PRKG1: variants seen among roughly 807,000 people sequenced by gnomAD.
The protein encoded by PRKG1 is cGMP-dependent protein kinase 1.
PRKG1 carries 35 observed loss-of-function variants against 88.1 expected under a neutral mutation model. The ratio of observed to expected loss-of-function variants is 0.40; its 90% CI spans 0.30 to 0.53. The LOEUF is 0.53. Among genes scored for constraint, PRKG1 ranks in the 20% least tolerant of loss-of-function variants. The pLI is 0.59. For synonymous variants in PRKG1, 303 were observed against 292.5 expected (o/e 1.04, Z -0.37); for missense variants, 540 against 839.8 (o/e 0.64, Z 4.41).
intron 3 of PRKG1, among the ~76,000 whole-genome samples, chr10:51,649,741 TCAAGGGCCTGTATAAA>T (rs1192013288): frequency 6.6e-6 from 1 of 152,192 alleles, no homozygotes; most frequent in Admixed American, 6.5e-5. Flanking sequence ...GAGCAGTGGC[TCAAGGGCCTGTATAAA>T]CAATCTTCTT....
At chr10:51,043,227 A>G (rs992571835) in intron 1 of PRKG1, among the ~76,000 whole-genome samples, 8 of 152,180 alleles carry the variant, frequency 5.3e-5, no homozygotes, top group Non-Finnish European at 1.0e-4. Context: ...ACTGAGATCC[A>G]TCAGCCACCA....
chr10:51,703,127 C>G (rs1213727794), intron 3 of PRKG1, among the ~76,000 whole-genome samples: 25 of 152,138 alleles, frequency 1.6e-4, no homozygotes, highest in Non-Finnish European at 2.8e-4. Flanking sequence ...AACAAAATCA[C>G]CCAACTTCCT....
intron 1 of PRKG1, among the ~76,000 whole-genome samples, chr10:51,034,577 T>G (rs1843326419): frequency 6.7e-6 from 1 of 149,950 alleles, no homozygotes; most frequent in Admixed American, 6.7e-5. Flanking sequence ...TTCTAATTGC[T>G]GTATACACTA....
At chr10:51,939,096 GA>G (rs1842853018) in intron 5 of PRKG1, among the ~76,000 whole-genome samples, 1 of 151,832 alleles carries the variant, frequency 6.6e-6, no homozygotes, top group South Asian at 2.1e-4. Flanking sequence ...TTTATCCTAT[GA>G]ATCCTCTATT....
At chr10:51,481,930 A>G (rs952409439) in intron 3 of PRKG1, among the ~76,000 whole-genome samples, 23 of 152,188 alleles carry the variant, frequency 1.5e-4, no homozygotes, top group Non-Finnish European at 3.1e-4. Context: ...AGAGGGGGTT[A>G]TATATCACCA....
chr10:51,038,493 A>G (rs142610436), intron 1 of PRKG1, among the ~76,000 whole-genome samples: 7 of 152,272 alleles, frequency 4.6e-5, no homozygotes, highest in African/African-American at 1.2e-4. Context: ...GCCCCTCCTC[A>G]GTCTCTGGTA....
intron 5 of PRKG1, among the ~76,000 whole-genome samples, chr10:51,971,721 G>T (rs543777434): frequency 2.0e-5 from 3 of 152,212 alleles, no homozygotes; most frequent in South Asian, 4.1e-4. Context: ...CAATCTCACA[G>T]GAACACTTCA....
chr10:51,253,271 G>C (rs17173638), intron 2 of PRKG1, among the ~76,000 whole-genome samples: 1,767 of 151,918 alleles, frequency 0.012, 32 homozygotes, highest in African/African-American at 0.039. Context: ...TTTTGGAAAG[G>C]AAGAACTACT....
chr10:51,303,830 T>C (rs1840959047), intron 2 of PRKG1, among the ~76,000 whole-genome samples: 1 of 151,824 alleles, frequency 6.6e-6, no homozygotes, highest in African/African-American at 2.4e-5. Context: ...CACACACACA[T>C]ACATATTTGA....
At chr10:51,725,718 C>T (rs1192452140) in intron 3 of PRKG1, among the ~76,000 whole-genome samples, 1 of 151,800 alleles carries the variant, frequency 6.6e-6, no homozygotes, top group Non-Finnish European at 1.5e-5. Context: ...ACTACAACCT[C>T]CACCTCCTGG....
intron 1 of PRKG1, among the ~76,000 whole-genome samples, chr10:51,113,468 C>A (rs1845026499): frequency 6.6e-6 from 1 of 152,152 alleles, no homozygotes; most frequent in Non-Finnish European, 1.5e-5. Flanking sequence ...CTTCCCACTT[C>A]TTTGTTACTC....
chr10:51,406,789 C>G (rs1837932049), intron 2 of PRKG1, among the ~76,000 whole-genome samples: 1 of 151,984 alleles, frequency 6.6e-6, no homozygotes, highest in Non-Finnish European at 1.5e-5. Flanking sequence ...TCATGTAACC[C>G]TGTATTAGTC....
At chr10:51,484,612 ACT>A (rs1192320230) in intron 3 of PRKG1, among the ~76,000 whole-genome samples, 1 of 151,974 alleles carries the variant, frequency 6.6e-6, no homozygotes, top group Admixed American at 6.6e-5. Context: ...TTTAATGTAT[ACT>A]CTGTTTCAAT....
intron 2 of PRKG1, among the ~76,000 whole-genome samples, chr10:51,454,747 G>C (rs1839535404): frequency 6.6e-6 from 1 of 152,148 alleles, no homozygotes; most frequent in Non-Finnish European, 1.5e-5. Context: ...ACTACCATGA[G>C]AACAGTATGG....
At position 51,411,001 on chromosome 10, in the gene PRKG1, AT is replaced by A. The variant is rs200442581; in HGVS notation, c.479-56711del. Among the ~76,000 whole-genome samples the A allele has an allele frequency of 4.2e-3, 628 of 147,774 alleles. 1 individual carries two copies. Among genetic ancestry groups the A allele is most frequent in the Non-Finnish European group, 4.4e-3 (293 of 66,530 alleles). On this transcript the variant is annotated intron_variant, in intron 2 of 17. Transcript: ENST00000373980. ...TAGAATGTGGTAATTTTACAGGTTA[AT>A]TTTTTTTTTTGAGATGGAATCTCTC...
intron 3 of PRKG1, among the ~76,000 whole-genome samples, chr10:51,673,852 T>C (rs1409137138): frequency 6.6e-6 from 1 of 152,216 alleles, no homozygotes; most frequent in East Asian, 1.9e-4. Flanking sequence ...AAGCAGCTAT[T>C]TATCTCATTC....
At chr10:51,328,707 CA>C (rs1841654830) in intron 2 of PRKG1, among the ~76,000 whole-genome samples, 1 of 152,160 alleles carries the variant, frequency 6.6e-6, no homozygotes, top group Admixed American at 6.5e-5. Context: ...GCCATTCTAA[CA>C]AGTGTGAAGT....
At chr10:52,215,013 TTAAAA>T (rs1840073929) in intron 9 of PRKG1, among the ~76,000 whole-genome samples, 1 of 146,918 alleles carries the variant, frequency 6.8e-6, no homozygotes, top group African/African-American at 2.5e-5. Context: ...ATTTTTTATG[TTAAAA>T]TAATGATAAA....
At chr10:51,053,831 T>C (rs1843596536) in intron 1 of PRKG1, among the ~76,000 whole-genome samples, 1 of 151,616 alleles carries the variant, frequency 6.6e-6, no homozygotes, top group South Asian at 2.1e-4. Context: ...AACTGAAGTT[T>C]GGAAAACTTG....
Sources: allele counts gnomAD v4.1 joint callset (sites outside exome capture counted in the v4.1 genomes callset), GRCh38; gene constraint gnomAD v4.1.1; transcripts MANE v1.5; gene names NCBI Gene and HGNC (gene_info 2026-07-23, HGNC 2026-07-21).